ADGRG4: variants seen among roughly 807,000 people sequenced by gnomAD.
ADGRG4 encodes adhesion G protein-coupled receptor G4.
In ADGRG4, 122 loss-of-function variants were observed where a neutral mutation model predicts 126.2. That is an observed-to-expected ratio of 0.97 (90% CI 0.83 to 1.12). The LOEUF is 1.12. Ranked by LOEUF, ADGRG4 falls within the 50% of genes most tolerant of loss-of-function variation. The pLI is 0.00. For missense variants in ADGRG4, 2,481 were observed against 2,251.8 expected, an observed-to-expected ratio of 1.10 and a Z score of -2.06; for synonymous variants, 943 against 838.7, an observed-to-expected ratio of 1.12 and a Z score of -2.15.
chrX:136,371,489 G>A lies in ADGRG4; in HGVS notation c.7558G>A (p.Val2520Ile), dbSNP rs201638850. The change falls in exon 14 of 26, where the codon GTT (valine) becomes ATT (isoleucine). Residue 2520 changes from valine to isoleucine, a missense_variant. Val to Ile is a conservative substitution (Grantham distance 29, BLOSUM62 3). Transcript: ENST00000394143. ...TCATGTTATGTTACAAATAATCAACGTTGTTTTGGAAAAGCAAAACAATTC... is the reference window on the plus strand; with the variant it reads ...TCATGTTATGTTACAAATAATCAACATTGTTTTGGAAAAGCAAAACAATTC... ...LTHVMLQIIN[V>I]VLEKQNNSAS... 2.5e-4 allele frequency: 295 copies of A among 1,198,528 alleles called. No homozygotes were observed. Among genetic ancestry groups the A allele is most frequent in the Middle Eastern group, 7.9e-4 (3 of 3,778 alleles).
Position 136,348,423 on chromosome X carries a change from A to T in ADGRG4, c.4717A>T (p.Thr1573Ser). The change falls in exon 6 of 26, where the codon ACA becomes TCA. Residue 1573 changes from threonine (T) to serine (S), a missense_variant. Coordinates refer to ENST00000394143, the MANE Select transcript of ADGRG4 (RefSeq NM_153834.4). ...AATACCAGTTAATAACTCTGCTTTCACACCTGCAACAGTCTCTTCTGACAC... is the reference window on the plus strand; with the variant it reads ...AATACCAGTTAATAACTCTGCTTTCTCACCTGCAACAGTCTCTTCTGACAC... The part of the protein sequence containing the change: ...SSIPVNNSAF[T>S]PATVSSDTST... 1 of 1,207,002 alleles carries T rather than the reference A, an allele frequency of 8.3e-7. No homozygotes were observed. Among genetic ancestry groups the T allele is most frequent in the South Asian group, 1.8e-5 (1 of 56,895 alleles).
chrX:136,332,139 A>C (rs1446550188), intron 5 of ADGRG4, among the ~76,000 whole-genome samples: 1 of 105,055 alleles, frequency 9.5e-6, no homozygotes, highest in Non-Finnish European at 2.0e-5. Context: ...ATATCTCCCG[A>C]TGCTATCCCT....
At chrX:136,355,222 T>TACACACACAC (rs10553631) in intron 8 of ADGRG4, among the ~76,000 whole-genome samples, 2 of 100,191 alleles carry the variant, frequency 2.0e-5, no homozygotes, top group Non-Finnish European at 4.1e-5. Context: ...AACATATGTG[T>TACACACACAC]ACACACACAC....
chrX:136,346,322 C>T lies in ADGRG4; in HGVS notation c.2616C>T (p.Asp872=), dbSNP rs771503643. The T allele has an allele frequency of 5.5e-5, 67 of 1,209,108 alleles. No individual in the cohort carries two copies. In the South Asian group the frequency reaches 8.8e-4, roughly 16 times the overall value. ...TTTCAACAATGCTGGAAGTGACAGACGAATCAGCACAAAGGGTGACAGCTT... is the reference window on the plus strand; with the variant it reads ...TTTCAACAATGCTGGAAGTGACAGATGAATCAGCACAAAGGGTGACAGCTT... The part of the protein sequence containing the change: ...SPFSTMLEVT[D]ESAQRVTASV... Residue 872 remains aspartate, a synonymous_variant, in exon 6 of 26, where the codon GAC becomes GAT. Transcript: ENST00000394143.
At chrX:136,368,308 C>G (rs886079292) in intron 13 of ADGRG4, among the ~76,000 whole-genome samples, 2 of 112,070 alleles carry the variant, frequency 1.8e-5, no homozygotes, top group Non-Finnish European at 1.9e-5. Flanking sequence ...CATATAATGC[C>G]TTGCTGTTGT....
At position 136,384,047 on chromosome X, in the gene ADGRG4, A is replaced by T. The variant is rs1050524669; in HGVS notation, c.7777-3693A>T. On this transcript the variant is annotated intron_variant, in intron 15 of 25. Coordinates refer to ENST00000394143, the MANE Select transcript of ADGRG4 (RefSeq NM_153834.4). Reference sequence around the variant, plus strand: ...GTGGGGACTAAAGGCATGTGCCACCACGCATGGGCTGTTGTTTTTTTATTT... The same window carrying T: ...GTGGGGACTAAAGGCATGTGCCACCTCGCATGGGCTGTTGTTTTTTTATTT... Among the ~76,000 whole-genome samples, 20 of 109,272 alleles carry T rather than the reference A, an allele frequency of 1.8e-4. 1 individual carries two copies. Among genetic ancestry groups the T allele is most frequent in the African/African-American group, 5.7e-4 (17 of 29,993 alleles). 94.9% of individuals were successfully genotyped at this position (109,272 alleles called of 115,157 possible). A position where few individuals can be genotyped will look rare whatever the true frequency, so the allele number is the denominator to read the frequency against.
Position 136,405,809 on chromosome X carries a change from A to G in ADGRG4, c.8772A>G (p.Lys2924=). Residue 2924 remains lysine (K), a synonymous_variant, in exon 23 of 26, where the codon AAA becomes AAG. Coordinates refer to ENST00000394143, the MANE Select transcript of ADGRG4 (RefSeq NM_153834.4). ...CTVLVQLNSV[K]SQIQKTRRKM... is the part of the protein sequence containing the mutation. ...TTCTTGTTCAACTGAATTCTGTGAA[A>G]TCCCAAATCCAGAAGACTCGGCGGA... 8.3e-7 allele frequency: 1 copy of G among 1,210,518 alleles called. No individual in the cohort carries two copies. Among genetic ancestry groups the G allele is most frequent in the Non-Finnish European group, 1.1e-6 (1 of 894,876 alleles).
intron 24 of ADGRG4, among the ~76,000 whole-genome samples, chrX:136,413,537 C>G (rs941593273): frequency 2.7e-5 from 3 of 110,986 alleles, no homozygotes; most frequent in Non-Finnish European, 5.7e-5. Flanking sequence ...CAACCCCATT[C>G]CCCACTTTAT....
At chrX:136,343,120 A>C (rs1314246062) in intron 5 of ADGRG4, among the ~76,000 whole-genome samples, 2 of 109,923 alleles carry the variant, frequency 1.8e-5, no homozygotes, top group Non-Finnish European at 3.8e-5. Context: ...GTGAGCCAAG[A>C]GATATTTAGG....
At chrX:136,307,684 TA>T (rs1175247658) in intron 3 of ADGRG4, among the ~76,000 whole-genome samples, 12 of 112,604 alleles carry the variant, frequency 1.1e-4, no homozygotes, top group African/African-American at 3.9e-4. Context: ...AGAAATACAA[TA>T]CGTTGCATTA....
In ADGRG4 at chrX:136,406,913, CAAA is replaced by C. The variant is rs759585174; in HGVS notation, c.8935+955_8935+957del. On this transcript the variant is annotated intron_variant, in intron 23 of 25. Coordinates refer to ENST00000394143, the MANE Select transcript of ADGRG4 (RefSeq NM_153834.4). ...CCTGGGCAACAAAGAGAGACTCTGT[CAAA>C]AAAAAAAAAAAAAGCTAGAGTCTGG... 1.8e-3 allele frequency among the ~76,000 whole-genome samples: 103 copies of C among 58,213 alleles called. 1 individual carries two copies. In the East Asian group the frequency reaches 0.051, roughly 29 times the overall value. 50.6% of individuals were successfully genotyped at this position (58,213 alleles called of 115,157 possible).
chrX:136,327,300 A>T (rs1374093594), intron 5 of ADGRG4, among the ~76,000 whole-genome samples: 1 of 110,868 alleles, frequency 9.0e-6, no homozygotes, highest in African/African-American at 3.3e-5. Flanking sequence ...TGGCACTGGG[A>T]GATATACCTA....
intron 13 of ADGRG4, among the ~76,000 whole-genome samples, chrX:136,367,206 C>T (rs2075164230): frequency 8.9e-6 from 1 of 112,037 alleles, no homozygotes; most frequent in African/African-American, 3.2e-5. Context: ...CGCAGAAGGG[C>T]CAGGGAATTG....
Position 136,397,957 on chromosome X carries a change from C to T in ADGRG4, c.8261C>T (p.Ser2754Phe), listed in dbSNP as rs1296863852. ...ALITYTGCGISSIFLGVAVVT... is the reference protein window; with the variant it reads ...ALITYTGCGIFSIFLGVAVVT... ...ATAACATACACCGGATGTGGAATCT[C>T]CTCCATTTTTCTGGGAGTTGCAGTG... is the stretch of plus-strand genomic sequence containing the variant. Residue 2754 changes from serine (S) to phenylalanine (F), a missense_variant, in exon 20 of 26, where the codon TCC becomes TTC. Physicochemically the swap from Ser to Phe is radical, Grantham distance 155. Coordinates refer to ENST00000394143, the MANE Select transcript of ADGRG4 (RefSeq NM_153834.4). The T allele has an allele frequency of 2.5e-6, 3 of 1,201,886 alleles. No individual in the cohort carries two copies. Among genetic ancestry groups the T allele is most frequent in the Non-Finnish European group, 3.4e-6 (3 of 886,592 alleles).
chrX:136,350,128 C>G lies in ADGRG4; in HGVS notation c.6422C>G (p.Ser2141Cys). The stretch of plus-strand genomic sequence containing the variant: ...CCTTCTACAACTGACCACACTCTAT[C>G]TGTTGGTGCCATGCCTCTGCCTAGC... Reference protein sequence around the residue: ...MSPSTTDHTLSVGAMPLPSST... With the variant: ...MSPSTTDHTLCVGAMPLPSST... The change falls in exon 6 of 26, where the codon TCT becomes TGT. Residue 2141 changes from serine to cysteine, a missense_variant. Coordinates refer to ENST00000394143, the MANE Select transcript of ADGRG4 (RefSeq NM_153834.4). 8.3e-7 allele frequency: 1 copy of G among 1,209,169 alleles called. No homozygotes were observed. The highest frequency in any genetic ancestry group is 3.0e-5 in the East Asian group (1 of 33,819).
rs1306210606 is a variant in ADGRG4 at position 136,347,681 on chromosome X, T to C, written c.3975T>C (p.Asp1325=). 2 of 1,210,720 alleles carry C rather than the reference T, an allele frequency of 1.7e-6. No homozygotes were observed. The highest frequency in any genetic ancestry group is 3.5e-5 in the South Asian group (2 of 56,892). Residue 1325 remains aspartate (D), a synonymous_variant, in exon 6 of 26, where the codon GAT becomes GAC. Transcript: ENST00000394143. ...PSEIPLGTPS[D]GNLASSPTSG... is the part of the protein sequence containing the mutation. ...AGATTCCACTTGGGACTCCCTCTGA[T>C]GGAAATTTGGCTTCATCTCCCACTT...
intron 23 of ADGRG4, among the ~76,000 whole-genome samples, chrX:136,410,999 C>A (rs1364287740): frequency 1.8e-5 from 2 of 111,770 alleles, no homozygotes; most frequent in Non-Finnish European, 3.8e-5. Context: ...GGAGTTATTT[C>A]TGCCAATCCT....
intron 15 of ADGRG4, among the ~76,000 whole-genome samples, chrX:136,384,324 A>G (rs946237906): frequency 9.0e-6 from 1 of 111,711 alleles, no homozygotes; most frequent in Non-Finnish European, 1.9e-5. Flanking sequence ...GAAACTTTAA[A>G]CCAGACGTGT....
chrX:136,386,064 G>T (rs1448843461), intron 15 of ADGRG4, among the ~76,000 whole-genome samples: 1 of 111,684 alleles, frequency 9.0e-6, no homozygotes, highest in Non-Finnish European at 1.9e-5. Flanking sequence ...ATTAGTTTCA[G>T]CCTGCCATCA....
Sources: allele counts gnomAD v4.1 joint callset (sites outside exome capture counted in the v4.1 genomes callset), GRCh38; gene constraint gnomAD v4.1.1; transcripts MANE v1.5; gene names NCBI Gene and HGNC (gene_info 2026-07-23, HGNC 2026-07-21).